The following FSTL5 variants were observed in gnomAD, a reference collection of about 807,000 sequenced individuals.
FSTL5 encodes follistatin like 5, also known as follistatin-related protein 5.
Under a neutral mutation model 89.1 loss-of-function variants are expected in FSTL5, and 62 were observed. The ratio of observed to expected loss-of-function variants is 0.70; its 90% CI spans 0.57 to 0.86. FSTL5 has a LOEUF of 0.86. FSTL5 is among the 40% of genes least tolerant of loss of function. FSTL5 has a pLI of 0.00. For missense variants in FSTL5, 1,057 were observed against 1,001.6 expected (o/e 1.06, Z -0.75); for synonymous variants, 383 against 346.2 (o/e 1.11, Z -1.18).
At chr4:161,665,522 C>T (rs74742527) in intron 6 of FSTL5, among the ~76,000 whole-genome samples, 2,605 of 152,164 alleles carry the variant, frequency 0.017, 64 homozygotes, top group African/African-American at 0.059. Flanking sequence ...CGTGAGCCAC[C>T]GCGCCCGGCC....
At chr4:161,612,130 T>A (rs953189153) in intron 7 of FSTL5, among the ~76,000 whole-genome samples, 14 of 152,186 alleles carry the variant, frequency 9.2e-5, no homozygotes, top group Admixed American at 2.0e-4. Context: ...TTGCAGAATT[T>A]CAACCAATTG....
chr4:161,610,072 T>G (rs1012001240), intron 7 of FSTL5, among the ~76,000 whole-genome samples: 4 of 152,120 alleles, frequency 2.6e-5, no homozygotes, highest in Non-Finnish European at 5.9e-5. Context: ...CAATTAAAAA[T>G]TTTTAATTTC....
chr4:161,672,019 T>A (rs1028824240), intron 6 of FSTL5, among the ~76,000 whole-genome samples: 6 of 152,152 alleles, frequency 3.9e-5, no homozygotes, highest in African/African-American at 1.4e-4. Context: ...TCCAAGAGAG[T>A]ATTTACATTT....
At chr4:161,735,314 T>G (rs1056581730) in intron 6 of FSTL5, among the ~76,000 whole-genome samples, 5 of 152,302 alleles carry the variant, frequency 3.3e-5, no homozygotes, top group South Asian at 4.1e-4. Context: ...ATTCAGTGTC[T>G]GACTATCCAT....
chr4:161,864,726 G>C (rs1732022482), intron 4 of FSTL5, among the ~76,000 whole-genome samples: 2 of 152,142 alleles, frequency 1.3e-5, no homozygotes, highest in South Asian at 2.1e-4. Flanking sequence ...AAAAAAATTA[G>C]CTGGGTGTGG....
At chr4:161,670,053 C>T (rs946658163) in intron 6 of FSTL5, among the ~76,000 whole-genome samples, 1 of 151,980 alleles carries the variant, frequency 6.6e-6, no homozygotes, top group Non-Finnish European at 1.5e-5. Context: ...AAAAAAAAGA[C>T]ATTATATTCT....
rs567834668 is a variant in FSTL5 at position 161,873,912 on chromosome 4, A to G, written c.409+46492T>C. Among the ~76,000 whole-genome samples, 104 of 152,008 alleles carry G rather than the reference A, an allele frequency of 6.8e-4. 1 individual carries two copies. Among genetic ancestry groups the G allele is most frequent in the African/African-American group, 1.8e-3 (76 of 41,488 alleles). ...TTCAGTACAGTGTTTTAGTTGTGTG[A>G]CTGTATTGTAGTTTGTCTTTTGTGT... is the stretch of plus-strand genomic sequence containing the variant. On this transcript the variant is annotated intron_variant, in intron 4 of 15. Coordinates refer to ENST00000306100, the MANE Select transcript of FSTL5 (RefSeq NM_020116.5).
At chr4:161,902,199 GTAAAATCAGGTTAA>G (rs1222781309) in intron 4 of FSTL5, among the ~76,000 whole-genome samples, 2 of 152,072 alleles carry the variant, frequency 1.3e-5, no homozygotes, top group African/African-American at 4.8e-5. Flanking sequence ...AAGGCAGTTT[GTAAAATCAGGTTAA>G]TATGTAAATT....
intron 3 of FSTL5, among the ~76,000 whole-genome samples, chr4:161,932,808 A>G (rs1167824499): frequency 7.2e-5 from 11 of 152,002 alleles, no homozygotes; most frequent in Non-Finnish European, 1.5e-4. Context: ...ACTTATCCAA[A>G]GTAAAAGTTT....
rs1731473289 is a variant in FSTL5 at position 161,849,182 on chromosome 4, C to A, written c.409+71222G>T. 2.0e-5 allele frequency among the ~76,000 whole-genome samples: 3 copies of A among 151,870 alleles called. No homozygotes were observed. In the South Asian group the frequency reaches 6.3e-4, roughly 32 times the overall value. On this transcript the variant is annotated intron_variant, in intron 4 of 15. Coordinates refer to ENST00000306100, the MANE Select transcript of FSTL5 (RefSeq NM_020116.5). Reference sequence around the variant, plus strand: ...TGGGCAAATCTTTAAAAAGAGTGCCCACTCACTTTTAAATCTGAAACTAAG... The same window carrying A: ...TGGGCAAATCTTTAAAAAGAGTGCCAACTCACTTTTAAATCTGAAACTAAG...
intron 6 of FSTL5, among the ~76,000 whole-genome samples, chr4:161,719,641 C>T (rs537684971): frequency 3.7e-4 from 57 of 152,112 alleles, no homozygotes; most frequent in African/African-American, 1.3e-3. Flanking sequence ...TATGTGTGTC[C>T]GCTTTGATCT....
In FSTL5 at chr4:161,993,841, G is replaced by T. The variant is rs58709796; in HGVS notation, c.160+39784C>A. Among the ~76,000 whole-genome samples the T allele has an allele frequency of 5.1e-3, 780 of 152,162 alleles. 6 individuals carry two copies. The highest frequency in any genetic ancestry group is 0.018 in the African/African-American group (738 of 41,508). ...TGTGTAAAAATAGTTGTCTAATGTG[G>T]AATATATGATTGACTAAAAATATTG... On this transcript the variant is annotated intron_variant, in intron 3 of 15. Transcript: ENST00000306100.
chr4:161,708,629 TA>T (rs1017368264), intron 6 of FSTL5, among the ~76,000 whole-genome samples: 6 of 151,452 alleles, frequency 4.0e-5, no homozygotes, highest in South Asian at 2.1e-4. Flanking sequence ...TTTTCCAAAT[TA>T]AAAAAAAACT....
intron 4 of FSTL5, among the ~76,000 whole-genome samples, chr4:161,876,850 C>A (rs891600415): frequency 1.3e-5 from 2 of 151,910 alleles, no homozygotes; most frequent in African/African-American, 4.8e-5. Flanking sequence ...TTGTTATAAA[C>A]AAGAATCATA....
intron 13 of FSTL5, among the ~76,000 whole-genome samples, chr4:161,462,673 GCCTGGTGAATATTAAGTA>G (rs1560906870): frequency 6.6e-6 from 1 of 151,980 alleles, no homozygotes; most frequent in Admixed American, 6.6e-5. Flanking sequence ...CTTAGCGTGT[GCCTGGTGAATATTAAGTA>G]CCATGGAAAT....
intron 15 of FSTL5, among the ~76,000 whole-genome samples, chr4:161,447,843 C>T (rs2126383429): frequency 6.6e-6 from 1 of 152,206 alleles, no homozygotes; most frequent in East Asian, 1.9e-4. Context: ...CAATGGTTTG[C>T]ACATATATAC....
chr4:162,106,464 C>T (rs541663055), intron 2 of FSTL5, among the ~76,000 whole-genome samples: 1 of 152,198 alleles, frequency 6.6e-6, no homozygotes, highest in South Asian at 2.1e-4. Context: ...TAACTGACCC[C>T]AAAAGGATTT....
At chr4:161,738,796 A>T (rs958285387) in intron 6 of FSTL5, among the ~76,000 whole-genome samples, 1 of 152,158 alleles carries the variant, frequency 6.6e-6, no homozygotes, top group African/African-American at 2.4e-5. Context: ...GCTTATTCAC[A>T]TATTTTTTAT....
chr4:162,057,525 A>G (rs1578992918), intron 2 of FSTL5, among the ~76,000 whole-genome samples: 1 of 152,296 alleles, frequency 6.6e-6, no homozygotes, highest in East Asian at 1.9e-4. Flanking sequence ...TATATTTACA[A>G]TTGCTTTCAC....
Sources: gnomAD v4.1 joint callset for allele counts (sites outside exome capture counted in the v4.1 genomes callset) on GRCh38, gnomAD v4.1.1 for gene constraint, MANE v1.5 for transcripts, NCBI Gene and HGNC (gene_info 2026-07-23, HGNC 2026-07-21) for gene names.